The following NAA15 variants were observed in gnomAD, a reference collection of about 807,000 sequenced individuals.
NAA15 encodes the protein N-terminal acetyltransferase.
NAA15 carries 34 observed loss-of-function variants against 114.0 expected under a neutral mutation model. The observed-to-expected ratio is 0.30, with a 90% CI of 0.23 to 0.40. The LOEUF (loss-of-function observed/expected upper bound fraction) is 0.40. Ranked by LOEUF, NAA15 falls within the 10% of genes least tolerant of loss-of-function variation. The pLI, the probability that NAA15 is intolerant of heterozygous loss-of-function variation, is 1.00. For synonymous variants in NAA15, 340 were observed against 338.0 expected (o/e 1.01, Z -0.06); for missense variants, 658 against 1,004.5 (o/e 0.66, Z 4.66).
chr4:139,339,259 G>A (rs1362763445), intron 3 of NAA15, among the ~76,000 whole-genome samples: 1 of 152,234 alleles, frequency 6.6e-6, no homozygotes, highest in Admixed American at 6.5e-5. Context: ...CACTTTGGGA[G>A]GCTGAGGCAG....
intron 2 of NAA15, among the ~76,000 whole-genome samples, chr4:139,334,739 T>C (rs1186735749): frequency 6.6e-6 from 1 of 152,180 alleles, no homozygotes; most frequent in African/African-American, 2.4e-5. Context: ...TGGTGAGATA[T>C]TTGTAGAGCA....
chr4:139,370,434 A>C (rs1277523112), intron 15 of NAA15, 30 bp downstream of exon 15: 1 of 1,500,894 alleles, frequency 6.7e-7, no homozygotes, highest in South Asian at 1.5e-5. Context: ...AGCACAATTG[A>C]GTGACATTTT....
rs1560953006 is a variant in NAA15 at position 139,315,046 on chromosome 4, G to GTTTAGTTTAGT, written c.54+13217_54+13218insTAGTTTAGTTT. ...GTTAGGTTAGGTTAGGTTAGGTTAG[G>GTTTAGTTTAGT]TTAGGTTAGTTTAGTTTAGTTTAGT... is the stretch of plus-strand genomic sequence containing the variant. On this transcript the variant is annotated intron_variant, in intron 1 of 19. Coordinates refer to ENST00000296543, the MANE Select transcript of NAA15 (RefSeq NM_057175.5). 4.0e-3 allele frequency among the ~76,000 whole-genome samples: 367 copies of GTTTAGTTTAGT among 92,612 alleles called. 15 individuals are homozygous for GTTTAGTTTAGT. The highest frequency in any genetic ancestry group is 0.011 in the African/African-American group (291 of 26,098). 60.8% of individuals were successfully genotyped at this position (92,612 alleles called of 152,430 possible).
intron 6 of NAA15, 108 bp from the exon 7 acceptor site, chr4:139,349,354 G>A (rs2110929694): frequency 1.0e-6 from 1 of 986,582 alleles, no homozygotes; most frequent in Non-Finnish European, 1.5e-6. Flanking sequence ...CCACTTAGCA[G>A]CACTGATTTA....
In NAA15 at chr4:139,334,270, T is replaced by C. The variant is rs2110896000; in HGVS notation, c.139+12T>C. 1 of 1,554,922 alleles carries C rather than the reference T, an allele frequency of 6.4e-7. No individual in the cohort carries two copies. The highest frequency in any genetic ancestry group is 2.3e-5 in the East Asian group (1 of 43,182). ...TGCAGAGCATGGAGGTAAGTGCAAG[T>C]AGATAAAGCTTTACTACATACCTGT... On this transcript the variant is annotated intron_variant, in intron 2 of 19. Transcript: ENST00000296543.
chr4:139,303,629 T>A (rs1745890762), intron 1 of NAA15, among the ~76,000 whole-genome samples: 1 of 152,146 alleles, frequency 6.6e-6, no homozygotes, highest in Non-Finnish European at 1.5e-5. Context: ...AAATCCTGTC[T>A]CTACTGAAAA....
At chr4:139,385,294 A>ATATATATAATATATAT (rs1748877862) in intron 18 of NAA15, among the ~76,000 whole-genome samples, 1 of 95,238 alleles carries the variant, frequency 1.0e-5, no homozygotes, top group African/African-American at 4.2e-5. Context: ...ATATATATAT[A>ATATATATAATATATAT]TATATAATAT....
intron 4 of NAA15, among the ~76,000 whole-genome samples, chr4:139,342,540 C>T (rs1747443672): frequency 6.7e-6 from 1 of 148,698 alleles, no homozygotes; most frequent in Non-Finnish European, 1.5e-5. Context: ...ACCTCTGCCT[C>T]CCGGGTTCAA....
intron 1 of NAA15, among the ~76,000 whole-genome samples, chr4:139,307,306 T>C (rs531964577): frequency 3.3e-5 from 5 of 152,356 alleles, no homozygotes; most frequent in Admixed American, 6.5e-5. Flanking sequence ...TCTAACTCTA[T>C]CACACAGTCT....
At chr4:139,306,160 T>G (rs912558354) in intron 1 of NAA15, among the ~76,000 whole-genome samples, 1 of 152,254 alleles carries the variant, frequency 6.6e-6, no homozygotes, top group Non-Finnish European at 1.5e-5. Context: ...TCAAAATGCT[T>G]GCATAATGTT....
At chr4:139,332,236 T>A (rs1747036954) in intron 1 of NAA15, among the ~76,000 whole-genome samples, 2 of 152,206 alleles carry the variant, frequency 1.3e-5, no homozygotes, top group South Asian at 4.1e-4. Flanking sequence ...GTTCAAACGA[T>A]TCTCCTGCCT....
chr4:139,391,281 C>T lies in NAA15; in HGVS notation c.*3197C>T, dbSNP rs1030432340. 1.3e-5 allele frequency: 2 copies of T among 152,046 alleles called. No individual in the cohort carries two copies. The highest frequency in any genetic ancestry group is 2.4e-5 in the African/African-American group (1 of 41,402). 9.4% of individuals were successfully genotyped at this position (152,046 alleles called of 1,614,324 possible). ...AACCTACATTAAAAACAAAGTCCCACGAAATGGCTGTGTTACACCATAGTG... is the reference window on the plus strand; with the variant it reads ...AACCTACATTAAAAACAAAGTCCCATGAAATGGCTGTGTTACACCATAGTG... On this transcript the variant is annotated 3_prime_UTR_variant, in exon 20 of 20. Coordinates refer to ENST00000296543, the MANE Select transcript of NAA15 (RefSeq NM_057175.5).
intron 1 of NAA15, among the ~76,000 whole-genome samples, chr4:139,310,874 C>T (rs1746202189): frequency 1.3e-5 from 2 of 151,792 alleles, no homozygotes; most frequent in Non-Finnish European, 2.9e-5. Flanking sequence ...CTGCCTCGGC[C>T]TCCCAAAATG....
At chr4:139,310,514 A>G (rs1746188187) in intron 1 of NAA15, among the ~76,000 whole-genome samples, 1 of 151,436 alleles carries the variant, frequency 6.6e-6, no homozygotes, top group Non-Finnish European at 1.5e-5. Context: ...GATCATATGC[A>G]AAGGACTGTT....
chr4:139,349,502 A>G lies in NAA15; in HGVS notation c.732A>G (p.Ala244=), dbSNP rs559713489. ...AACTATGTCGTTTGGAAGATGCTGCAGATGTTTATAGAGGATTGCAAGAGA... is the reference window on the plus strand; with the variant it reads ...AACTATGTCGTTTGGAAGATGCTGCGGATGTTTATAGAGGATTGCAAGAGA... The part of the protein sequence containing the change: ...LLQLCRLEDA[A]DVYRGLQERN... The change falls in exon 7 of 20, where the codon GCA becomes GCG. Residue 244 remains alanine, a synonymous_variant. Coordinates refer to ENST00000296543, the MANE Select transcript of NAA15 (RefSeq NM_057175.5). 4 of 1,610,542 alleles carry G rather than the reference A, an allele frequency of 2.5e-6. No individual in the cohort carries two copies. Among genetic ancestry groups the G allele is most frequent in the East Asian group, 2.2e-5 (1 of 44,752 alleles).
intron 1 of NAA15, among the ~76,000 whole-genome samples, chr4:139,329,814 A>G (rs766541087): frequency 6.6e-6 from 1 of 152,160 alleles, no homozygotes; most frequent in African/African-American, 2.4e-5. Context: ...GGGTGGTTTC[A>G]TCTCTTGCAG....
At chr4:139,370,483 C>T (rs1043008603) in intron 15 of NAA15, 79 bp downstream of exon 15, 2 of 1,388,196 alleles carry the variant, frequency 1.4e-6, no homozygotes, top group Admixed American at 2.6e-5. Flanking sequence ...TCTTATTTGA[C>T]AGTATATAAC....
chr4:139,371,497 GCACACACACACACACACACA>G (rs35581039), intron 15 of NAA15, among the ~76,000 whole-genome samples: 4 of 113,678 alleles, frequency 3.5e-5, no homozygotes, highest in South Asian at 3.6e-4. Context: ...AAGAAAAGTA[GCACACACACACACACACACA>G]CACACACACA....
At chr4:139,315,016 G>A (rs4057985) in intron 1 of NAA15, among the ~76,000 whole-genome samples, 1 of 80,984 alleles carries the variant, frequency 1.2e-5, no homozygotes, top group African/African-American at 4.4e-5. Context: ...TTTAGGTTAG[G>A]TTAGGTTAGG....
Sources: allele counts gnomAD v4.1 joint callset (sites outside exome capture counted in the v4.1 genomes callset), GRCh38; gene constraint gnomAD v4.1.1; transcripts MANE v1.5; gene names NCBI Gene and HGNC (gene_info 2026-07-23, HGNC 2026-07-21).